The following NKTR variants were observed in gnomAD, a reference collection of about 807,000 sequenced individuals.
The protein encoded by NKTR is NK-tumor recognition protein.
A neutral mutation model predicts 156.3 loss-of-function variants in NKTR; 67 were observed. The ratio of observed to expected loss-of-function variants is 0.43; its 90% CI spans 0.35 to 0.53. The LOEUF is 0.53. NKTR is among the 20% of genes least tolerant of loss of function. The pLI, the probability that NKTR is intolerant of heterozygous loss-of-function variation, is 0.01. For missense variants in NKTR, 1,604 were observed against 1,730.9 expected (o/e 0.93, Z 1.30); for synonymous variants, 640 against 596.6 (o/e 1.07, Z -1.06).
chr3:42,601,217 A>C (rs566807704), intron 2 of NKTR, 153 bp downstream of exon 2: 24 of 580,612 alleles, frequency 4.1e-5, no homozygotes, highest in Non-Finnish European at 6.4e-5. Context: ...TCAGTGGGAG[A>C]GGAAGGTGGC....
chr3:42,621,875 G>A (rs1707933666), intron 6 of NKTR, among the ~76,000 whole-genome samples: 1 of 151,886 alleles, frequency 6.6e-6, no homozygotes, highest in Non-Finnish European at 1.5e-5. Flanking sequence ...GTTCATAGAC[G>A]AGTATTCAGT....
chr3:42,603,036 A>AG (rs1282343111), intron 2 of NKTR: 2 of 152,600 alleles, frequency 1.3e-5, no homozygotes, highest in African/African-American at 2.4e-5. Context: ...AAAAAAAAAA[A>AG]AAAAGAAAAG....
chr3:42,608,673 G>T (rs1234367561), intron 2 of NKTR, among the ~76,000 whole-genome samples: 1 of 152,198 alleles, frequency 6.6e-6, no homozygotes, highest in Non-Finnish European at 1.5e-5. Flanking sequence ...CTCTCTGAAG[G>T]TTGGAAAGTG....
chr3:42,603,521 C>T (rs1170024476), intron 2 of NKTR, among the ~76,000 whole-genome samples: 1 of 151,994 alleles, frequency 6.6e-6, no homozygotes, highest in African/African-American at 2.4e-5. Context: ...TTCAATGAAC[C>T]TCATTCCTCA....
At position 42,646,700 on chromosome 3, in the gene NKTR, A is replaced by G. The variant is rs954875169; in HGVS notation, c.*725A>G. 5.9e-5 allele frequency: 9 copies of G among 152,686 alleles called. No individual in the cohort carries two copies. The highest frequency in any genetic ancestry group is 2.2e-4 in the African/African-American group (9 of 41,462). The allele number at this position is 152,686 out of a possible 1,614,324, so 9.5% of individuals were successfully genotyped here. Reference sequence around the variant, plus strand: ...AATACCGATCAGAAGTTTAGGTTATAAAAACAATTCTACTTCATGCTTTGG... The same window carrying G: ...AATACCGATCAGAAGTTTAGGTTATGAAAACAATTCTACTTCATGCTTTGG... On this transcript the variant is annotated 3_prime_UTR_variant, in exon 17 of 17. Coordinates refer to ENST00000232978, the MANE Select transcript of NKTR (RefSeq NM_005385.4).
At chr3:42,621,088 A>G (rs1430516746) in intron 5 of NKTR, 2 of 986,344 alleles carry the variant, frequency 2.0e-6, no homozygotes, top group African/African-American at 3.5e-5. Context: ...TGGAGGAAGT[A>G]AGCTAGAGAT....
intron 13 of NKTR, 84 bp from the exon 14 acceptor site, chr3:42,642,417 C>T: frequency 1.0e-6 from 1 of 994,138 alleles, no homozygotes; most frequent in Non-Finnish European, 1.6e-6. Context: ...GTTGTGTTTT[C>T]CCCTTTCTGC....
chr3:42,614,534 A>C (rs940525315), intron 2 of NKTR, among the ~76,000 whole-genome samples: 1 of 152,142 alleles, frequency 6.6e-6, no homozygotes, highest in African/African-American at 2.4e-5. Context: ...AAAATCATAC[A>C]ATTCAATAAA....
intron 16 of NKTR, among the ~76,000 whole-genome samples, chr3:42,645,178 C>G (rs1710247616): frequency 6.6e-6 from 1 of 151,784 alleles, no homozygotes; most frequent in South Asian, 2.1e-4. Flanking sequence ...ATTTGTGCAC[C>G]TTTTCCCCAT....
intron 6 of NKTR, 132 bp downstream of exon 6, chr3:42,621,648 C>A: frequency 2.2e-6 from 2 of 921,982 alleles, no homozygotes; most frequent in South Asian, 1.8e-5. Context: ...TTTCTAATAT[C>A]ATAGTAACTT....
chr3:42,613,560 G>C (rs912475842), intron 2 of NKTR, among the ~76,000 whole-genome samples: 1 of 152,084 alleles, frequency 6.6e-6, no homozygotes, highest in African/African-American at 2.4e-5. Context: ...TATCATCTAT[G>C]TACATAATAC....
rs1707737409 is a variant in NKTR, at chr3:42,619,789, G to A, written c.286+81G>A. 9.0e-6 allele frequency: 14 copies of A among 1,562,946 alleles called. No homozygotes were observed. The South Asian group carries it at 1.7e-4, about 19-fold the overall frequency. On this transcript the variant is annotated intron_variant, in intron 5 of 16. Coordinates refer to ENST00000232978, the MANE Select transcript of NKTR (RefSeq NM_005385.4). ...GATCATATACTTTTAATGAGAAGAG[G>A]TTTACTTATAGTTCACTTTTTGCAT...
chr3:42,633,964 G>T (rs1440700741), intron 10 of NKTR, among the ~76,000 whole-genome samples: 2 of 152,210 alleles, frequency 1.3e-5, no homozygotes, highest in African/African-American at 4.8e-5. Context: ...GGGAGAGGAG[G>T]TTGGGCAAGT....
At chr3:42,629,410 ATTC>A (rs1708694162) in intron 6 of NKTR, 1 of 934,566 alleles carries the variant, frequency 1.1e-6, no homozygotes, top group African/African-American at 1.8e-5. Flanking sequence ...AGAACCGAAT[ATTC>A]TTAATGTAAG....
intron 8 of NKTR, among the ~76,000 whole-genome samples, chr3:42,631,573 C>T (rs1708904367): frequency 6.6e-6 from 1 of 152,204 alleles, no homozygotes; most frequent in Admixed American, 6.5e-5. Flanking sequence ...TACCTTGCCT[C>T]CGTTCTATAA....
intron 6 of NKTR, among the ~76,000 whole-genome samples, chr3:42,622,050 T>C (rs1707959306): frequency 6.6e-6 from 1 of 152,014 alleles, no homozygotes. Flanking sequence ...AAAAAACTCA[T>C]TTTATGAGGT....
rs542124645 is a variant in NKTR at position 42,637,090 on chromosome 3, G to A, written c.1386G>A (p.Pro462=). 34 of 1,607,064 alleles carry A rather than the reference G, an allele frequency of 2.1e-5. 1 individual carries two copies. The highest frequency in any genetic ancestry group is 8.9e-5 in the East Asian group (4 of 44,862). The stretch of plus-strand genomic sequence containing the variant: ...CAAAGAAGAGAAGGATTCTTATACC[G>A]TCTGACATAGAATCCTCAAAATCTT... ...KQTKKRRILI[P]SDIESSKSST... is the part of the protein sequence containing the mutation. The change falls in exon 13 of 17, where the codon CCG becomes CCA. Residue 462 remains proline (P), a synonymous_variant. Transcript: ENST00000232978.
chr3:42,620,876 C>T (rs1471882543), intron 5 of NKTR: 1 of 960,240 alleles, frequency 1.0e-6, no homozygotes, highest in African/African-American at 1.8e-5. Flanking sequence ...GGCTTTCTTC[C>T]TTAGATAATT....
rs745454492 is a variant in NKTR, at chr3:42,638,800, C to T, written c.3096C>T (p.Asp1032=). The change falls in exon 13 of 17, where the codon GAC becomes GAT. Residue 1032 remains aspartate, a synonymous_variant. Coordinates refer to ENST00000232978, the MANE Select transcript of NKTR (RefSeq NM_005385.4). ...FGEEEEEEID[D]KQVTQESKEK... is the part of the protein sequence containing the mutation. ...AAGAGGAGGAGGAGGAGATTGATGA[C>T]AAGCAAGTTACTCAGGAATCAAAAG... 2 of 1,610,896 alleles carry T rather than the reference C, an allele frequency of 1.2e-6. No individual in the cohort carries two copies. Among genetic ancestry groups the T allele is most frequent in the South Asian group, 2.2e-5 (2 of 90,190 alleles).
Sources: gnomAD v4.1 joint callset for allele counts (sites outside exome capture counted in the v4.1 genomes callset) on GRCh38, gnomAD v4.1.1 for gene constraint, MANE v1.5 for transcripts, NCBI Gene and HGNC (gene_info 2026-07-23, HGNC 2026-07-21) for gene names.